Variants in TRPM6 observed in about 807,000 individuals in gnomAD.
TRPM6 encodes the protein channel kinase 2.
In TRPM6, 111 loss-of-function variants were observed where a neutral mutation model predicts 247.6. The ratio of observed to expected loss-of-function variants is 0.45; its 90% CI spans 0.38 to 0.52. TRPM6 has a LOEUF of 0.52. Among genes scored for constraint, TRPM6 ranks in the 20% least tolerant of loss-of-function variants. The pLI, the probability that TRPM6 is intolerant of heterozygous loss-of-function variation, is 0.00. For synonymous variants in TRPM6, 892 were observed against 853.8 expected, an observed-to-expected ratio of 1.04 and a Z score of -0.78; for missense variants, 2,126 against 2,421.5, an observed-to-expected ratio of 0.88 and a Z score of 2.56.
chr9:74,817,554 G>A (rs1208182204), intron 9 of TRPM6, among the ~76,000 whole-genome samples: 3 of 152,146 alleles, frequency 2.0e-5, no homozygotes, highest in Non-Finnish European at 2.9e-5. Flanking sequence ...GGTAATTACA[G>A]TGGACCCAAT....
chr9:74,786,633 G>T (rs191435436), intron 20 of TRPM6, among the ~76,000 whole-genome samples: 2 of 152,208 alleles, frequency 1.3e-5, no homozygotes, highest in East Asian at 3.9e-4. Context: ...CCAGCTACTC[G>T]GGAGTCTGAG....
At chr9:74,763,826 A>C (rs1826736283) in intron 25 of TRPM6, among the ~76,000 whole-genome samples, 1 of 152,328 alleles carries the variant, frequency 6.6e-6, no homozygotes, top group Non-Finnish European at 1.5e-5. Flanking sequence ...TTCACCTTTC[A>C]AATGTAAATG....
At chr9:74,782,053 GC>G (rs1358491349) in intron 23 of TRPM6, among the ~76,000 whole-genome samples, 1 of 152,152 alleles carries the variant, frequency 6.6e-6, no homozygotes, top group Non-Finnish European at 1.5e-5. Flanking sequence ...AGGAGGATGT[GC>G]CTAGGTTATA....
At chr9:74,822,149 C>G (rs183577651) in intron 7 of TRPM6, among the ~76,000 whole-genome samples, 198 of 152,304 alleles carry the variant, frequency 1.3e-3, no homozygotes, top group Non-Finnish European at 2.3e-3. Context: ...CCCAAAGTAT[C>G]TAAAAGTAAA....
chr9:74,724,849 C>T, intron 38 of TRPM6, 103 bp from the exon 39 acceptor site: 1 of 1,443,856 alleles, frequency 6.9e-7, no homozygotes, highest in East Asian at 2.3e-5. Flanking sequence ...AGAGAGATCT[C>T]CTCTTCCTCA....
chr9:74,735,256 G>C (rs985620399), intron 36 of TRPM6, among the ~76,000 whole-genome samples: 8 of 151,950 alleles, frequency 5.3e-5, no homozygotes, highest in African/African-American at 1.9e-4. Flanking sequence ...AATTGGAGAG[G>C]AGAGGAGAGC....
intron 1 of TRPM6, among the ~76,000 whole-genome samples, chr9:74,882,681 C>T (rs559835669): frequency 1.3e-3 from 202 of 152,134 alleles, no homozygotes; most frequent in Admixed American, 2.2e-3. Context: ...TTAGTACAGC[C>T]GTTATGGAAA....
At chr9:74,816,515 C>T (rs1049480404) in intron 11 of TRPM6, among the ~76,000 whole-genome samples, 154 bp downstream of exon 11, 4 of 148,536 alleles carry the variant, frequency 2.7e-5, no homozygotes, top group East Asian at 2.0e-4. Context: ...AAGGCAAAGT[C>T]GATGGGAAAA....
chr9:74,734,596 A>G (rs1358544776), intron 36 of TRPM6, among the ~76,000 whole-genome samples: 2 of 152,192 alleles, frequency 1.3e-5, no homozygotes, highest in Non-Finnish European at 2.9e-5. Flanking sequence ...TAAATTAACT[A>G]CTGGACACAA....
chr9:74,769,412 G>A (rs1285915478), intron 25 of TRPM6, among the ~76,000 whole-genome samples: 2 of 152,250 alleles, frequency 1.3e-5, no homozygotes, highest in South Asian at 2.1e-4. Flanking sequence ...GCCTCTAAAA[G>A]TGTTGGGATT....
At chr9:74,843,340 T>G (rs1830005330) in intron 3 of TRPM6, among the ~76,000 whole-genome samples, 1 of 152,116 alleles carries the variant, frequency 6.6e-6, no homozygotes. Context: ...GATCAGCATC[T>G]CTAAAACTCT....
intron 25 of TRPM6, among the ~76,000 whole-genome samples, chr9:74,767,413 T>A (rs1343811978): frequency 6.6e-6 from 1 of 152,214 alleles, no homozygotes; most frequent in Non-Finnish European, 1.5e-5. Flanking sequence ...ATGTTCTCTT[T>A]TTCCACTGTC....
At chr9:74,737,355 C>T (rs191701147) in intron 36 of TRPM6, 44 of 1,286,600 alleles carry the variant, frequency 3.4e-5, no homozygotes, top group Admixed American at 1.2e-4. Context: ...GCAGTCTTAC[C>T]GGACATTGCT....
intron 6 of TRPM6, among the ~76,000 whole-genome samples, chr9:74,832,443 A>T (rs1055668891): frequency 1.3e-5 from 2 of 152,188 alleles, no homozygotes; most frequent in African/African-American, 4.8e-5. Context: ...GCAATGAAAA[A>T]CTTGACTAGA....
chr9:74,855,521 T>C lies in TRPM6; in HGVS notation c.152+6A>G. The C allele has an allele frequency of 6.2e-7, 1 of 1,601,156 alleles. No homozygotes were observed. The highest frequency in any genetic ancestry group is 8.6e-7 in the Non-Finnish European group (1 of 1,168,440). On this transcript the variant is annotated splice_donor_region_variant and intron_variant, in intron 3 of 38. Transcript: ENST00000360774. The stretch of plus-strand genomic sequence containing the variant: ...CTAAAAGGAATCTTGCTTATCTAAG[T>C]CTTACCTGATTAAATTCTGGCAGAC...
chr9:74,851,791 A>AAT (rs1289192201), intron 3 of TRPM6, among the ~76,000 whole-genome samples: 14 of 147,256 alleles, frequency 9.5e-5, no homozygotes, highest in Non-Finnish European at 2.1e-4. Context: ...ATATATATAT[A>AAT]ATATATATAT....
chr9:74,845,508 A>G (rs766668691), intron 3 of TRPM6, among the ~76,000 whole-genome samples: 7 of 152,336 alleles, frequency 4.6e-5, no homozygotes, highest in Non-Finnish European at 5.9e-5. Context: ...CATTGAAGAC[A>G]TTATGCTAAT....
At chr9:74,868,669 T>C (rs931915829) in intron 1 of TRPM6, among the ~76,000 whole-genome samples, 2 of 152,188 alleles carry the variant, frequency 1.3e-5, no homozygotes, top group Admixed American at 1.3e-4. Flanking sequence ...ATACTTGAGA[T>C]GTTTTCATGG....
rs1437698812 is a variant in TRPM6, at chr9:74,766,799, A to G, written c.3537-3665T>C. ...GTGGCAGGCACCTGTAATCCCAGCTACTGGGGAGGGTGAGGTAGGAGAATC... is the reference window on the plus strand; with the variant it reads ...GTGGCAGGCACCTGTAATCCCAGCTGCTGGGGAGGGTGAGGTAGGAGAATC... On this transcript the variant is annotated intron_variant, in intron 25 of 38. Coordinates refer to ENST00000360774, the MANE Select transcript of TRPM6 (RefSeq NM_017662.5). Among the ~76,000 whole-genome samples the G allele has an allele frequency of 6.6e-5, 10 of 152,008 alleles. No individual in the cohort carries two copies. The East Asian group carries it at 1.9e-3, about 29-fold the overall frequency.
Sources: gnomAD v4.1 joint callset for allele counts (sites outside exome capture counted in the v4.1 genomes callset) on GRCh38, gnomAD v4.1.1 for gene constraint, MANE v1.5 for transcripts, NCBI Gene and HGNC (gene_info 2026-07-23, HGNC 2026-07-21) for gene names.